Variants in SPATA3 observed in about 807,000 individuals in gnomAD.
SPATA3 encodes the protein spermatogenesis associated 3, also known as spermatogenesis-associated protein 3.
In SPATA3, 6 loss-of-function variants were observed where a neutral mutation model predicts 5.7. That is an observed-to-expected ratio of 1.06 (90% CI 0.58 to 2.09). SPATA3 has a LOEUF of 2.09. Ranked by LOEUF, SPATA3 falls within the 30% of genes most tolerant of loss-of-function variation. The pLI, the probability that SPATA3 is intolerant of heterozygous loss-of-function variation, is 0.00. For missense variants in SPATA3, 155 were observed against 130.4 expected, an observed-to-expected ratio of 1.19 and a Z score of -0.92; for synonymous variants, 44 against 48.4, an observed-to-expected ratio of 0.91 and a Z score of 0.37.
At chr2:231,011,915 G>A (rs1433577950), downstream of SPATA3, among the ~76,000 whole-genome samples, 1 of 152,228 alleles carries the variant, frequency 6.6e-6, no homozygotes, top group Admixed American at 6.5e-5. Context: ...GTATGTGCAA[G>A]CACAGCATAT....
At chr2:231,004,357 C>T (rs917087752), downstream of SPATA3, among the ~76,000 whole-genome samples, 2 of 152,122 alleles carry the variant, frequency 1.3e-5, no homozygotes, top group African/African-American at 2.4e-5. Flanking sequence ...TGGGGGGTCC[C>T]GTTGCTGTTG....
At position 231,000,652 on chromosome 2, in the gene SPATA3, G is replaced by A. The variant is rs907045911; in HGVS notation, c.962+115G>A. The A allele has an allele frequency of 8.8e-6, 10 of 1,141,788 alleles. No homozygotes were observed. In the East Asian group the frequency reaches 1.5e-4, roughly 17 times the overall value. The allele number at this position is 1,141,788 out of a possible 1,614,324, so 70.7% of individuals were successfully genotyped here. A position where few individuals can be genotyped will look rare whatever the true frequency, so the allele number is the denominator to read the frequency against. ...TCCTCTTGGGAATCCCAGGCCGAAGGAAAGCCTTTCTTTCCCTCTTTGCTT... is the reference window on the plus strand; with the variant it reads ...TCCTCTTGGGAATCCCAGGCCGAAGAAAAGCCTTTCTTTCCCTCTTTGCTT... On this transcript the variant is annotated intron_variant, in intron 2 of 2. Transcript: ENST00000645363.
At chr2:231,012,197 A>C (rs1252322172), downstream of SPATA3, among the ~76,000 whole-genome samples, 2 of 152,220 alleles carry the variant, frequency 1.3e-5, no homozygotes, top group East Asian at 3.9e-4. Flanking sequence ...ATCCAGGCTC[A>C]GACTCCTCCA....
chr2:231,015,648 C>T (rs907675823), intron 6 of SPATA3, among the ~76,000 whole-genome samples: 6 of 152,218 alleles, frequency 3.9e-5, no homozygotes, highest in Non-Finnish European at 7.3e-5. Flanking sequence ...GGAGAAGTGA[C>T]TCAACACACA....
chr2:231,006,053 G>C (rs147315204), downstream of SPATA3, among the ~76,000 whole-genome samples: 29 of 151,664 alleles, frequency 1.9e-4, no homozygotes, highest in African/African-American at 6.5e-4. Flanking sequence ...AAATTAGCCA[G>C]GCATGGTCGT....
chr2:231,019,736 C>T (rs1231922512), exon 7 of SPATA3: 1 of 151,246 alleles, frequency 6.6e-6, no homozygotes, highest in African/African-American at 2.4e-5. Context: ...TCAATATCCT[C>T]CTCAGATTTG....
downstream of SPATA3, among the ~76,000 whole-genome samples, chr2:231,007,988 C>T (rs1018381816): frequency 2.6e-5 from 4 of 152,010 alleles, no homozygotes; most frequent in Admixed American, 6.6e-5. Flanking sequence ...CCAGCCTGGA[C>T]GACATAGCAA....
chr2:231,007,988 C>A (rs1018381816), downstream of SPATA3, among the ~76,000 whole-genome samples: 2 of 151,892 alleles, frequency 1.3e-5, no homozygotes, highest in African/African-American at 4.8e-5. Context: ...CCAGCCTGGA[C>A]GACATAGCAA....
downstream of SPATA3, among the ~76,000 whole-genome samples, chr2:231,011,695 GC>G (rs1310554114): frequency 6.7e-6 from 1 of 149,980 alleles, no homozygotes; most frequent in Admixed American, 6.8e-5. Flanking sequence ...GAACCAAACT[GC>G]CAGGTAAAGG....
chr2:231,005,410 TATCAGCATCATCACCACCACCACCACA>T (rs1692565387), downstream of SPATA3, among the ~76,000 whole-genome samples: 1 of 20,480 alleles, frequency 4.9e-5, no homozygotes, highest in Non-Finnish European at 1.0e-4. Context: ...CCACCACCAG[TATCAGCATCATCACCACCACCACCACA>T]ATCACCACCA....
chr2:230,998,190 G>A (rs1264422499), intron 1 of SPATA3, among the ~76,000 whole-genome samples: 2 of 152,212 alleles, frequency 1.3e-5, no homozygotes, highest in Non-Finnish European at 2.9e-5. Flanking sequence ...TTTACCCCCC[G>A]GGATTGTGTG....
chr2:231,001,268 G>A (rs541049782), intron 2 of SPATA3, among the ~76,000 whole-genome samples: 377 of 152,240 alleles, frequency 2.5e-3, no homozygotes, highest in African/African-American at 8.1e-3. Flanking sequence ...ACGTTTGGGC[G>A]CTGCTAGGTT....
At chr2:231,005,214 CCACCATCATCACCATCACCAT>C (rs1692528667), downstream of SPATA3, among the ~76,000 whole-genome samples, 1 of 104,962 alleles carries the variant, frequency 9.5e-6, no homozygotes, top group Non-Finnish European at 2.1e-5. Flanking sequence ...ACCATCATCA[CCACCATCATCACCATCACCAT>C]CACCACCACC....
chr2:231,009,449 C>CG (rs1445237220), downstream of SPATA3, among the ~76,000 whole-genome samples: 4 of 152,130 alleles, frequency 2.6e-5, no homozygotes, highest in East Asian at 3.8e-4. Context: ...GTCACAGTGA[C>CG]GGGGGGATGC....
At chr2:230,996,590 T>C in intron 1 of SPATA3, 56 bp downstream of exon 1, 1 of 1,529,714 alleles carries the variant, frequency 6.5e-7, no homozygotes, top group Admixed American at 2.0e-5. Context: ...GAGTTCTGGG[T>C]CATCCCAAAG....
Position 231,019,020 on chromosome 2 carries a change from G to A in SPATA3, c.*566-700G>A, listed in dbSNP as rs532631773. On this transcript the variant is annotated intron_variant, in intron 6 of 8. Coordinates refer to the SPATA3 transcript ENST00000452881. ...CTCACTCTGTTGCCCAGGCTGGAGCGCAGTGGCACGATCTCGGCTCACTGC... is the reference window on the plus strand; with the variant it reads ...CTCACTCTGTTGCCCAGGCTGGAGCACAGTGGCACGATCTCGGCTCACTGC... Among the ~76,000 whole-genome samples, 281 of 140,652 alleles carry A rather than the reference G, an allele frequency of 2.0e-3. 1 individual carries two copies. Among genetic ancestry groups the A allele is most frequent in the Admixed American group, 4.1e-3 (56 of 13,538 alleles). 92.3% of individuals were successfully genotyped at this position (140,652 alleles called of 152,430 possible).
chr2:231,012,477 T>C (rs954676493), intron 4 of SPATA3: 15 of 152,262 alleles, frequency 9.9e-5, no homozygotes, highest in African/African-American at 3.6e-4. Context: ...TACCATATTC[T>C]GGAGAATCTG....
chr2:231,001,144 A>G (rs535496438), intron 2 of SPATA3, among the ~76,000 whole-genome samples: 1 of 152,212 alleles, frequency 6.6e-6, no homozygotes, highest in South Asian at 2.1e-4. Context: ...GACATCACCC[A>G]TAGTATCTGT....
In SPATA3 at chr2:231,000,240, C is replaced by T. The variant is rs1442210107; in HGVS notation, c.791-126C>T. On this transcript the variant is annotated intron_variant, in intron 1 of 2. Coordinates refer to ENST00000645363, the Ensembl canonical transcript of SPATA3. ...CAATGATGCCTTGGAAAAAATCCAGCGTTCGCCCTGGTAATCCTGCAGCTG... is the reference window on the plus strand; with the variant it reads ...CAATGATGCCTTGGAAAAAATCCAGTGTTCGCCCTGGTAATCCTGCAGCTG... 6 of 875,000 alleles carry T rather than the reference C, an allele frequency of 6.9e-6. No individual in the cohort carries two copies. The African/African-American group carries it at 6.9e-5, about 10-fold the overall frequency. The allele number at this position is 875,000 out of a possible 1,614,324, so 54.2% of individuals were successfully genotyped here.
Sources: allele counts gnomAD v4.1 joint callset (sites outside exome capture counted in the v4.1 genomes callset), GRCh38; gene constraint gnomAD v4.1.1; transcripts MANE v1.5; gene names NCBI Gene and HGNC (gene_info 2026-07-23, HGNC 2026-07-21).